The following PSMD14 variants were observed in gnomAD, a reference collection of about 807,000 sequenced individuals.
PSMD14 encodes the protein proteasome 26S subunit, non-ATPase 14, also known as ubiquitin C-terminal hydrolase PSMD14.
A neutral mutation model predicts 41.2 loss-of-function variants in PSMD14; 7 were observed. The observed-to-expected ratio is 0.17, with a 90% CI of 0.10 to 0.32. PSMD14 has a LOEUF of 0.32. Ranked by LOEUF, PSMD14 falls within the 10% of genes least tolerant of loss-of-function variation. The pLI is 1.00. For missense variants in PSMD14, 139 were observed against 375.6 expected (o/e 0.37, Z 5.21); for synonymous variants, 114 against 122.3 (o/e 0.93, Z 0.45).
At chr2:161,347,575 C>A (rs902018273) in intron 3 of PSMD14, among the ~76,000 whole-genome samples, 1 of 152,044 alleles carries the variant, frequency 6.6e-6, no homozygotes, top group Admixed American at 6.5e-5. Context: ...TTAATTGAAA[C>A]CAGATTAACA....
chr2:161,362,062 A>G (rs1240194388), intron 3 of PSMD14, among the ~76,000 whole-genome samples: 1 of 151,574 alleles, frequency 6.6e-6, no homozygotes, highest in African/African-American at 2.4e-5. Context: ...TTGCTTTTTA[A>G]TTTTAATTAA....
At chr2:161,360,448 C>G (rs560043740) in intron 3 of PSMD14, among the ~76,000 whole-genome samples, 1 of 151,834 alleles carries the variant, frequency 6.6e-6, no homozygotes, top group East Asian at 1.9e-4. Context: ...CTCCACATCC[C>G]GTGTTCAAGC....
chr2:161,386,722 C>T (rs774005232), intron 8 of PSMD14, among the ~76,000 whole-genome samples: 2 of 151,862 alleles, frequency 1.3e-5, no homozygotes, highest in Admixed American at 6.6e-5. Flanking sequence ...TTATAAACTT[C>T]GGTAGCATCA....
intron 9 of PSMD14, 26 bp from the exon 10 acceptor site, chr2:161,395,052 G>A (rs1467422868): frequency 2.6e-6 from 4 of 1,544,824 alleles, no homozygotes; most frequent in Non-Finnish European, 3.5e-6. Flanking sequence ...GGCAGAAAAA[G>A]AATTACTTTT....
intron 10 of PSMD14, chr2:161,407,396 A>G (rs1683962022): frequency 6.6e-6 from 1 of 152,136 alleles, no homozygotes; most frequent in Non-Finnish European, 1.5e-5. Context: ...TGAGTCATAA[A>G]TGCATTTCCT....
At chr2:161,371,084 T>G (rs1239193670) in intron 6 of PSMD14, 88 bp from the exon 7 acceptor site, 1 of 1,398,642 alleles carries the variant, frequency 7.1e-7, no homozygotes, top group Non-Finnish European at 9.7e-7. Context: ...TCTTCTTAAT[T>G]TATACCCCGT....
At chr2:161,347,844 CTT>C (rs144020352) in intron 3 of PSMD14, among the ~76,000 whole-genome samples, 2,737 of 152,278 alleles carry the variant, frequency 0.018, 74 homozygotes, top group African/African-American at 0.063. Context: ...CTTTACAACT[CTT>C]TGCAGTTTGG....
chr2:161,363,863 G>A lies in PSMD14; in HGVS notation c.49-3615G>A, dbSNP rs1683323550. Among the ~76,000 whole-genome samples, 3 of 152,200 alleles carry A rather than the reference G, an allele frequency of 2.0e-5. No homozygotes were observed. The South Asian group carries it at 6.2e-4, about 31-fold the overall frequency. ...TGTCTAGGATTGAGTGTTTACAGCT[G>A]AGGCCCCAGTGGGTGTGTGTTATAG... On this transcript the variant is annotated intron_variant, in intron 3 of 11. Coordinates refer to ENST00000409682, the MANE Select transcript of PSMD14 (RefSeq NM_005805.6).
At chr2:161,358,124 T>A (rs912952795) in intron 3 of PSMD14, among the ~76,000 whole-genome samples, 8 of 152,092 alleles carry the variant, frequency 5.3e-5, no homozygotes, top group African/African-American at 1.7e-4. Context: ...TTGGTTTATA[T>A]CATTATATAA....
At chr2:161,318,496 T>C (rs1218791716) in intron 2 of PSMD14, among the ~76,000 whole-genome samples, 1 of 152,176 alleles carries the variant, frequency 6.6e-6, no homozygotes, top group Non-Finnish European at 1.5e-5. Flanking sequence ...TCAGGCACTT[T>C]TTCTACATTC....
intron 8 of PSMD14, 111 bp from the exon 9 acceptor site, chr2:161,390,993 C>A: frequency 1.0e-6 from 1 of 971,956 alleles, no homozygotes; most frequent in Non-Finnish European, 1.4e-6. Context: ...AATAAAATGC[C>A]TTTATTAGAG....
chr2:161,323,517 C>G (rs1399823261), intron 3 of PSMD14, among the ~76,000 whole-genome samples: 1 of 152,000 alleles, frequency 6.6e-6, no homozygotes, highest in East Asian at 1.9e-4. Context: ...ACAAAAATCA[C>G]CTGGGTGTCG....
At chr2:161,318,365 G>A (rs1291514856) in intron 2 of PSMD14, among the ~76,000 whole-genome samples, 1 of 152,100 alleles carries the variant, frequency 6.6e-6, no homozygotes, top group Non-Finnish European at 1.5e-5. Flanking sequence ...CTGACAAGCT[G>A]TAAGTTAATT....
chr2:161,379,418 A>G (rs1450349216), intron 7 of PSMD14, among the ~76,000 whole-genome samples: 1 of 152,010 alleles, frequency 6.6e-6, no homozygotes, highest in Non-Finnish European at 1.5e-5. Flanking sequence ...AAAGAGAGAT[A>G]ATAACCTTCA....
At chr2:161,352,739 T>G (rs1195219798) in intron 3 of PSMD14, among the ~76,000 whole-genome samples, 2 of 152,230 alleles carry the variant, frequency 1.3e-5, no homozygotes, top group Non-Finnish European at 2.9e-5. Flanking sequence ...TTCCTTTGTC[T>G]TTCTCTTCTT....
intron 1 of PSMD14, among the ~76,000 whole-genome samples, chr2:161,314,991 C>G (rs957174505): frequency 6.6e-6 from 1 of 152,148 alleles, no homozygotes; most frequent in Non-Finnish European, 1.5e-5. Flanking sequence ...CCAAACTGTT[C>G]CCAGCACTCA....
In PSMD14 at chr2:161,385,533, A is replaced by G; in HGVS notation, c.532A>G (p.Thr178Ala). ...MVLGHEPRQT[T>A]SNLGHLNKPS... ...CTTAGGACATGAACCAAGACAAACA[A>G]CTTCGAATCTGGGTCACTTAAACAA... The change falls in exon 8 of 12, where the codon ACT becomes GCT. Residue 178 changes from threonine (T) to alanine (A), a missense_variant. By Grantham distance (58) the Thr-to-Ala change is moderately conservative (BLOSUM62 0). Transcript: ENST00000409682. The G allele has an allele frequency of 6.2e-7, 1 of 1,608,920 alleles. No individual in the cohort carries two copies. The highest frequency in any genetic ancestry group is 1.3e-5 in the African/African-American group (1 of 74,814).
chr2:161,411,152 G>T, intron 11 of PSMD14, 150 bp from the exon 12 acceptor site: 3 of 494,816 alleles, frequency 6.1e-6, no homozygotes, highest in South Asian at 3.3e-5. Flanking sequence ...TTCTAAGAAT[G>T]TAACAATATA....
intron 3 of PSMD14, among the ~76,000 whole-genome samples, chr2:161,350,286 C>T (rs1433122662): frequency 6.6e-6 from 1 of 152,002 alleles, no homozygotes; most frequent in Non-Finnish European, 1.5e-5. Context: ...TAAGTATGTC[C>T]CAAATACAGC....
Sources: allele counts gnomAD v4.1 joint callset (sites outside exome capture counted in the v4.1 genomes callset), GRCh38; gene constraint gnomAD v4.1.1; transcripts MANE v1.5; gene names NCBI Gene and HGNC (gene_info 2026-07-23, HGNC 2026-07-21).